The following ST3GAL2 variants were observed in gnomAD, a reference collection of about 807,000 sequenced individuals.
ST3GAL2 encodes ST3 beta-galactoside alpha-2,3-sialyltransferase 2.
Under a neutral mutation model 37.5 loss-of-function variants are expected in ST3GAL2, and 16 were observed. The ratio of observed to expected loss-of-function variants is 0.43; its 90% CI spans 0.29 to 0.65. ST3GAL2 has a LOEUF of 0.65. Among genes scored for constraint, ST3GAL2 ranks in the 30% least tolerant of loss-of-function variants. ST3GAL2 has a pLI of 0.17. For missense variants in ST3GAL2, 383 were observed against 487.8 expected, an observed-to-expected ratio of 0.79 and a Z score of 2.02; for synonymous variants, 238 against 202.9, an observed-to-expected ratio of 1.17 and a Z score of -1.47.
chr16:70,411,185 G>C lies in ST3GAL2; in HGVS notation c.-1003-11652C>G, dbSNP rs563526956. ...AGATCACCTGAGGTCAGGAGTTCGA[G>C]ACCAGCCTGGGCAACATGGTGAAAC... On this transcript the variant is annotated intron_variant, in intron 1 of 6. Coordinates refer to ENST00000342907, the MANE Select transcript of ST3GAL2 (RefSeq NM_006927.4). 2.6e-5 allele frequency among the ~76,000 whole-genome samples: 4 copies of C among 152,166 alleles called. No individual in the cohort carries two copies. In the South Asian group the frequency reaches 8.3e-4, roughly 32 times the overall value.
At chr16:70,410,959 G>GGCCAAA (rs1339179609) in intron 1 of ST3GAL2, among the ~76,000 whole-genome samples, 1 of 152,006 alleles carries the variant, frequency 6.6e-6, no homozygotes, top group Non-Finnish European at 1.5e-5. Context: ...ATGCAAGACT[G>GGCCAAA]GCCAAAGCCA....
chr16:70,398,469 G>A lies in ST3GAL2; in HGVS notation c.62C>T (p.Ser21Phe). 6.2e-7 allele frequency: 1 copy of A among 1,613,548 alleles called. No homozygotes were observed. The highest frequency in any genetic ancestry group is 8.5e-7 in the Non-Finnish European group (1 of 1,180,010). The change falls in exon 2 of 7, where the codon TCC (serine) becomes TTC (phenylalanine). Residue 21 changes from serine to phenylalanine, a missense_variant. Ser to Phe is a radical substitution (Grantham distance 155). Around this residue, in one of 2 missense-constraint regions of ST3GAL2, gnomAD observed 223 missense variants for 239.1 expected, o/e 0.93. Coordinates refer to ENST00000342907, the MANE Select transcript of ST3GAL2 (RefSeq NM_006927.4). ...GTGGTGCGAGTAGGTGAAGAGCAGG[G>A]ACATGATGAACACCAGCAGGAAGGC... ...SVAFLLVFIM[S>F]LLFTYSHHSM...
intron 1 of ST3GAL2, among the ~76,000 whole-genome samples, chr16:70,429,545 C>T (rs1264107013): frequency 7.1e-6 from 1 of 141,662 alleles, no homozygotes; most frequent in Non-Finnish European, 1.5e-5. Context: ...GCCGAGATCG[C>T]GCCACTGCAC....
chr16:70,417,139 A>C (rs1375482042), intron 1 of ST3GAL2, among the ~76,000 whole-genome samples: 1 of 152,216 alleles, frequency 6.6e-6, no homozygotes, highest in Non-Finnish European at 1.5e-5. Context: ...GGGTTCCATG[A>C]GGATTATATA....
At chr16:70,385,060 C>A (rs1436325776) in intron 4 of ST3GAL2, among the ~76,000 whole-genome samples, 4 of 152,064 alleles carry the variant, frequency 2.6e-5, no homozygotes, top group Non-Finnish European at 5.9e-5. Flanking sequence ...AATCCCAGCA[C>A]TTTGGGAGGC....
At chr16:70,416,750 G>A (rs1338736050) in intron 1 of ST3GAL2, among the ~76,000 whole-genome samples, 1 of 148,144 alleles carries the variant, frequency 6.8e-6, no homozygotes, top group Admixed American at 6.6e-5. Flanking sequence ...CCAGAAACAT[G>A]AGACCTCAGG....
In ST3GAL2 at chr16:70,381,773, A is replaced by G; in HGVS notation, c.969T>C (p.Thr323=). 2 of 1,614,058 alleles carry G rather than the reference A, an allele frequency of 1.2e-6. No homozygotes were observed. Among genetic ancestry groups the G allele is most frequent in the African/African-American group, 1.3e-5 (1 of 75,054 alleles). Reference sequence around the variant, plus strand: ...CCTCGAAGTCCGCGTCGTGCACGCCAGTCTTCCGGAACTCGCCCGCGTACC... The same window carrying G: ...CCTCGAAGTCCGCGTCGTGCACGCCGGTCTTCCGGAACTCGCCCGCGTACC... ...NNRYAGEFRK[T]GVHDADFEAH... is the part of the protein sequence containing the mutation. The change falls in exon 7 of 7, where the codon ACT becomes ACC. Residue 323 remains threonine, a synonymous_variant. Coordinates refer to ENST00000342907, the MANE Select transcript of ST3GAL2 (RefSeq NM_006927.4).
At chr16:70,425,524 C>T (rs1041827666) in intron 1 of ST3GAL2, among the ~76,000 whole-genome samples, 1 of 151,944 alleles carries the variant, frequency 6.6e-6, no homozygotes, top group African/African-American at 2.4e-5. Context: ...CCCATGGAGA[C>T]CATGCTTTGC....
At chr16:70,384,053 C>G (rs560497873) in intron 4 of ST3GAL2, among the ~76,000 whole-genome samples, 49 of 152,184 alleles carry the variant, frequency 3.2e-4, no homozygotes, top group Non-Finnish European at 5.9e-4. Flanking sequence ...CCTACATGCC[C>G]TTCTCTGAGT....
intron 1 of ST3GAL2, among the ~76,000 whole-genome samples, chr16:70,434,187 CCAG>C (rs931103513): frequency 6.6e-6 from 1 of 152,118 alleles, no homozygotes; most frequent in Non-Finnish European, 1.5e-5. Context: ...ACCTATAGTC[CCAG>C]CAGTTTGGGA....
At chr16:70,426,122 A>G (rs1189692979) in intron 1 of ST3GAL2, among the ~76,000 whole-genome samples, 1 of 151,060 alleles carries the variant, frequency 6.6e-6, no homozygotes, top group Non-Finnish European at 1.5e-5. Context: ...AGAACGTAAC[A>G]GGAAGTTAGG....
At chr16:70,432,291 C>T (rs1267126232) in intron 1 of ST3GAL2, among the ~76,000 whole-genome samples, 5 of 152,106 alleles carry the variant, frequency 3.3e-5, no homozygotes, top group Admixed American at 3.3e-4. Context: ...AGGGAAAGTC[C>T]TCTTCACTCC....
chr16:70,378,873 T>C lies in ST3GAL2; in HGVS notation c.*2816A>G, dbSNP rs2047372553. ...ATCCGGGAGTGGTGGTGCATGCCTGTAATCCCAGCTACTCCCTACTCTCCT... is the reference window on the plus strand; with the variant it reads ...ATCCGGGAGTGGTGGTGCATGCCTGCAATCCCAGCTACTCCCTACTCTCCT... On this transcript the variant is annotated 3_prime_UTR_variant, in exon 7 of 7. Coordinates refer to ENST00000342907, the MANE Select transcript of ST3GAL2 (RefSeq NM_006927.4). The C allele has an allele frequency of 6.6e-6, 1 of 151,800 alleles. No individual in the cohort carries two copies. The highest frequency in any genetic ancestry group is 2.1e-4 in the South Asian group (1 of 4,812). 9.4% of individuals were successfully genotyped at this position (151,800 alleles called of 1,614,324 possible). A position where few individuals can be genotyped will look rare whatever the true frequency, so the allele number is the denominator to read the frequency against.
At chr16:70,396,058 G>A (rs1450049363) in intron 2 of ST3GAL2, among the ~76,000 whole-genome samples, 3 of 148,888 alleles carry the variant, frequency 2.0e-5, no homozygotes, top group Non-Finnish European at 4.4e-5. Context: ...CGCAACCTCC[G>A]CCTCCCGGGT....
chr16:70,421,565 G>A (rs1222144117), intron 1 of ST3GAL2, among the ~76,000 whole-genome samples: 1 of 152,242 alleles, frequency 6.6e-6, no homozygotes, highest in Non-Finnish European at 1.5e-5. Context: ...TGGACCCCAG[G>A]GAGCTGTCTT....
chr16:70,380,777 C>G lies in ST3GAL2; in HGVS notation c.*912G>C, dbSNP rs1353012652. ...GGAGGAGGTACATGCAGCGGGCAGCCGGGCCCATAGCCAGCCTCCTTCCGC... is the reference window on the plus strand; with the variant it reads ...GGAGGAGGTACATGCAGCGGGCAGCGGGGCCCATAGCCAGCCTCCTTCCGC... On this transcript the variant is annotated 3_prime_UTR_variant, in exon 7 of 7. Coordinates refer to ENST00000342907, the MANE Select transcript of ST3GAL2 (RefSeq NM_006927.4). The G allele has an allele frequency of 6.5e-6, 1 of 152,886 alleles. No individual in the cohort carries two copies. Among genetic ancestry groups the G allele is most frequent in the African/African-American group, 2.4e-5 (1 of 41,492 alleles). The allele number at this position is 152,886 out of a possible 1,614,324, so 9.5% of individuals were successfully genotyped here. A position where few individuals can be genotyped will look rare whatever the true frequency, so the allele number is the denominator to read the frequency against.
At position 70,380,573 on chromosome 16, in the gene ST3GAL2, G is replaced by C. The variant is rs960358744; in HGVS notation, c.*1116C>G. 4 of 152,474 alleles carry C rather than the reference G, an allele frequency of 2.6e-5. No homozygotes were observed. The highest frequency in any genetic ancestry group is 9.6e-5 in the African/African-American group (4 of 41,594). 9.4% of individuals were successfully genotyped at this position (152,474 alleles called of 1,614,324 possible). On this transcript the variant is annotated 3_prime_UTR_variant, in exon 7 of 7. Coordinates refer to ENST00000342907, the MANE Select transcript of ST3GAL2 (RefSeq NM_006927.4). ...TTCTAGAGCGGGAGATGGAGAGCAG[G>C]GTGGAGGCAGGCGGCTTGCGGCGCG...
At chr16:70,425,385 C>T (rs2047742801) in intron 1 of ST3GAL2, among the ~76,000 whole-genome samples, 1 of 152,070 alleles carries the variant, frequency 6.6e-6, no homozygotes, top group East Asian at 1.9e-4. Context: ...TTGCTTGAAC[C>T]CAGGAGGCAG....
chr16:70,383,255 AAGAT>A lies in ST3GAL2; in HGVS notation c.714-24_714-21del, dbSNP rs568222840. ...TAGGTGCTGTAAGCAAAAAGAAAGA[AAGAT>A]AACATTTCAGGCTGGGCACGGTGGC... is the stretch of plus-strand genomic sequence containing the variant. On this transcript the variant is annotated intron_variant, in intron 4 of 6. Coordinates refer to ENST00000342907, the MANE Select transcript of ST3GAL2 (RefSeq NM_006927.4). The A allele has an allele frequency of 2.9e-4, 457 of 1,598,170 alleles. 4 individuals are homozygous for A. The East Asian group carries it at 8.3e-3, about 29-fold the overall frequency.
Sources: gnomAD v4.1 joint callset for allele counts (sites outside exome capture counted in the v4.1 genomes callset) on GRCh38, gnomAD v4.1.1 for gene constraint, gnomAD v4.1.1 regional missense constraint, MANE v1.5 for transcripts, NCBI Gene and HGNC (gene_info 2026-07-23, HGNC 2026-07-21) for gene names.